Variants in CAGE1 observed in about 807,000 individuals in gnomAD.
CAGE1 encodes cancer antigen 1.
In CAGE1, 66 loss-of-function variants were observed where a neutral mutation model predicts 94.9. The observed-to-expected ratio is 0.70, with a 90% CI of 0.57 to 0.85. The LOEUF is 0.85. CAGE1 is among the 40% of genes least tolerant of loss of function. The pLI, the probability that CAGE1 is intolerant of heterozygous loss-of-function variation, is 0.00. For synonymous variants in CAGE1, 319 were observed against 321.0 expected (o/e 0.99, Z 0.07); for missense variants, 865 against 950.4 (o/e 0.91, Z 1.18).
intron 3 of CAGE1, among the ~76,000 whole-genome samples, chr6:7,381,296 G>A (rs1395834246): frequency 1.3e-5 from 2 of 152,180 alleles, no homozygotes; most frequent in Admixed American, 1.3e-4. Context: ...AGAGACAGCA[G>A]CAAGGCATAC....
chr6:7,369,894 A>G (rs370613501), intron 6 of CAGE1, 25 bp downstream of exon 6: 2 of 1,577,948 alleles, frequency 1.3e-6, no homozygotes, highest in Admixed American at 1.9e-5. Flanking sequence ...CCCTACTAAA[A>G]TATCTAATAT....
chr6:7,356,441 A>G (rs962227627), intron 9 of CAGE1, among the ~76,000 whole-genome samples: 1 of 152,232 alleles, frequency 6.6e-6, no homozygotes, highest in African/African-American at 2.4e-5. Flanking sequence ...GTCTTTCCAT[A>G]TATAGCCAAT....
intron 9 of CAGE1, among the ~76,000 whole-genome samples, chr6:7,360,793 A>G (rs967913628): frequency 1.3e-5 from 2 of 152,016 alleles, no homozygotes; most frequent in Non-Finnish European, 2.9e-5. Context: ...AAAAATACCA[A>G]AAAATTAGCC....
intron 11 of CAGE1, among the ~76,000 whole-genome samples, chr6:7,354,832 C>T (rs1371743050): frequency 6.6e-6 from 1 of 152,188 alleles, no homozygotes; most frequent in East Asian, 1.9e-4. Flanking sequence ...AAAGGGAGCT[C>T]TGAGAAAGGA....
Position 7,374,075 on chromosome 6 carries a change from G to A in CAGE1, c.744C>T (p.Val248=). Reference sequence around the variant, plus strand: ...CTGCTGTGACTTCCTTTTCATAACTGACTGACATCTCAGGAATCTCCCCAT... The same window carrying A: ...CTGCTGTGACTTCCTTTTCATAACTAACTGACATCTCAGGAATCTCCCCAT... ...QNYGEIPEMS[V]SYEKEVTAEG... is the part of the protein sequence containing the mutation. The change falls in exon 5 of 14, where the codon GTC becomes GTT. Residue 248 remains valine, a synonymous_variant. Coordinates refer to ENST00000502583, the MANE Select transcript of CAGE1 (RefSeq NM_001170692.2). 4 of 1,613,898 alleles carry A rather than the reference G, an allele frequency of 2.5e-6. No homozygotes were observed. The South Asian group carries it at 3.3e-5, about 13-fold the overall frequency.
At chr6:7,341,556 T>G in intron 11 of CAGE1, 1 of 1,211,992 alleles carries the variant, frequency 8.3e-7, no homozygotes, top group South Asian at 1.2e-5. Flanking sequence ...CTCGGACCTT[T>G]TTCCTCTCAG....
intron 11 of CAGE1, among the ~76,000 whole-genome samples, chr6:7,352,752 C>G (rs1270943702): frequency 6.6e-6 from 1 of 152,144 alleles, no homozygotes; most frequent in Non-Finnish European, 1.5e-5. Flanking sequence ...ATACTTATAG[C>G]CAACTGATCT....
At chr6:7,335,475 C>A (rs1197015374) in intron 11 of CAGE1, among the ~76,000 whole-genome samples, 1 of 152,244 alleles carries the variant, frequency 6.6e-6, no homozygotes, top group African/African-American at 2.4e-5. Context: ...AAAGAGCATA[C>A]ACTCCTAGGC....
intron 11 of CAGE1, among the ~76,000 whole-genome samples, chr6:7,349,976 A>G (rs897885717): frequency 5.3e-4 from 80 of 151,920 alleles, no homozygotes; most frequent in African/African-American, 1.8e-3. Context: ...AGAAAAAAAA[A>G]GAACTCATCA....
chr6:7,328,683 TCTGTA>T (rs1758615105), intron 13 of CAGE1, among the ~76,000 whole-genome samples: 3 of 152,188 alleles, frequency 2.0e-5, no homozygotes, highest in Non-Finnish European at 4.4e-5. Context: ...GTCCCAGTGT[TCTGTA>T]ACACTGCAGG....
intron 11 of CAGE1, among the ~76,000 whole-genome samples, chr6:7,338,155 C>T (rs2764100): frequency 6.6e-6 from 1 of 151,920 alleles, no homozygotes; most frequent in Non-Finnish European, 1.5e-5. Flanking sequence ...TGTACTGGAT[C>T]CTGCAACTTT....
chr6:7,366,072 C>T (rs948988936), intron 7 of CAGE1, among the ~76,000 whole-genome samples, 188 bp from the exon 8 acceptor site: 1 of 151,834 alleles, frequency 6.6e-6, no homozygotes, highest in African/African-American at 2.4e-5. Flanking sequence ...ATGGTGAAAC[C>T]CTGTCTCTCC....
At chr6:7,363,965 T>G (rs1367597564) in intron 9 of CAGE1, among the ~76,000 whole-genome samples, 1 of 152,244 alleles carries the variant, frequency 6.6e-6, no homozygotes, top group Non-Finnish European at 1.5e-5. Context: ...CATCAATTAT[T>G]TGGATACTCT....
At chr6:7,366,650 G>T (rs2113436892) in intron 7 of CAGE1, among the ~76,000 whole-genome samples, 1 of 152,306 alleles carries the variant, frequency 6.6e-6, no homozygotes, top group South Asian at 2.1e-4. Context: ...ATTGCTGGGG[G>T]AACGAAATGC....
At position 7,326,804 on chromosome 6, in the gene CAGE1, G is replaced by T; in HGVS notation, c.*54C>A. On this transcript the variant is annotated 3_prime_UTR_variant, in exon 14 of 14. Transcript: ENST00000502583. ...TGATTTGGCTAGCATATGTAGTAAT[G>T]ACTCTTCCTGGAGTGGTTGACAAAA... 2 of 1,238,134 alleles carry T rather than the reference G, an allele frequency of 1.6e-6. No individual in the cohort carries two copies. Among genetic ancestry groups the T allele is most frequent in the South Asian group, 1.2e-5 (1 of 83,130 alleles). 76.7% of individuals were successfully genotyped at this position (1,238,134 alleles called of 1,614,324 possible).
At position 7,341,884 on chromosome 6, in the gene CAGE1, C is replaced by T. The variant is rs1028279106; in HGVS notation, c.2370-7794G>A. The T allele has an allele frequency of 1.0e-5, 7 of 687,838 alleles. No individual in the cohort carries two copies. In the Admixed American group the frequency reaches 1.1e-4, roughly 11 times the overall value. 42.6% of individuals were successfully genotyped at this position (687,838 alleles called of 1,614,324 possible). ...CACTTCTTCTTGCAGGAACGGGTGC[C>T]CTCTCCAATCAGGGTACTGCAGCAA... On this transcript the variant is annotated intron_variant, in intron 11 of 13. Transcript: ENST00000502583.
rs1340054992 is a variant in CAGE1, at chr6:7,333,630, CTATCTAACTATCTATATATATATA to C, written c.2438+368_2438+391del. Reference sequence around the variant, plus strand: ...TTTTTTTTAAGTATTATCTAACTATCTATCTAACTATCTATATATATATATATATATATATATATATATACATTT... The same window carrying C: ...TTTTTTTTAAGTATTATCTAACTATCTATATATATATATATATATACATTT... On this transcript the variant is annotated intron_variant, in intron 12 of 13. Coordinates refer to ENST00000502583, the MANE Select transcript of CAGE1 (RefSeq NM_001170692.2). 4.2e-3 allele frequency among the ~76,000 whole-genome samples: 272 copies of C among 64,486 alleles called. 2 individuals are homozygous for C. The highest frequency in any genetic ancestry group is 0.021 in the African/African-American group (241 of 11,558). The allele number at this position is 64,486 out of a possible 152,430, so 42.3% of individuals were successfully genotyped here. A position where few individuals can be genotyped will look rare whatever the true frequency, so the allele number is the denominator to read the frequency against.
In CAGE1 at chr6:7,385,889, G is replaced by A; in HGVS notation, c.196-17C>T. 1 of 1,355,346 alleles carries A rather than the reference G, an allele frequency of 7.4e-7. No individual in the cohort carries two copies. Among genetic ancestry groups the A allele is most frequent in the Non-Finnish European group, 1.0e-6 (1 of 991,262 alleles). The allele number at this position is 1,355,346 out of a possible 1,614,324, so 84.0% of individuals were successfully genotyped here. A position where few individuals can be genotyped will look rare whatever the true frequency, so the allele number is the denominator to read the frequency against. On this transcript the variant is annotated splice_polypyrimidine_tract_variant and intron_variant, in intron 2 of 13. Transcript: ENST00000502583. ...TATTTCGTTCTGTATTAATAAAAAA[G>A]GCATCAATACTTCAAGCAAACATCA...
intron 9 of CAGE1, among the ~76,000 whole-genome samples, chr6:7,358,861 G>A (rs901536126): frequency 2.0e-5 from 3 of 152,090 alleles, no homozygotes; most frequent in Admixed American, 6.6e-5. Context: ...ATAATGGTAG[G>A]TGTGTGTTTA....
Sources: allele counts gnomAD v4.1 joint callset (sites outside exome capture counted in the v4.1 genomes callset), GRCh38; gene constraint gnomAD v4.1.1; transcripts MANE v1.5; gene names NCBI Gene and HGNC (gene_info 2026-07-23, HGNC 2026-07-21).